The following FRY variants were observed in gnomAD, a reference collection of about 807,000 sequenced individuals.
FRY encodes the protein FRY microtubule binding protein, also known as protein furry homolog.
A neutral mutation model predicts 348.4 loss-of-function variants in FRY; 128 were observed. That is an observed-to-expected ratio of 0.37 (90% CI 0.32 to 0.43). FRY has a LOEUF of 0.43. FRY is among the 20% of genes least tolerant of loss of function. FRY has a pLI of 1.00. For missense variants in FRY, 2,736 were observed against 3,695.2 expected (o/e 0.74, Z 6.73); for synonymous variants, 1,370 against 1,374.7 (o/e 1.00, Z 0.08).
In FRY at chr13:32,060,217, C is replaced by T. The variant is rs188504986; in HGVS notation, c.71-18617C>T. The stretch of plus-strand genomic sequence containing the variant: ...AATAATGCCCATAGAAAGATCAATT[C>T]GTTACACTTTTGTTTTTAAGTAACT... On this transcript the variant is annotated intron_variant, in intron 1 of 60. Coordinates refer to ENST00000542859, the MANE Select transcript of FRY (RefSeq NM_023037.3). Among the ~76,000 whole-genome samples the T allele has an allele frequency of 1.6e-4, 24 of 152,296 alleles. No homozygotes were observed. The East Asian group carries it at 1.9e-3, about 12-fold the overall frequency.
chr13:32,253,881 A>C (rs1887206232), intron 50 of FRY, among the ~76,000 whole-genome samples: 1 of 151,980 alleles, frequency 6.6e-6, no homozygotes. Context: ...ATAATTTCTA[A>C]CTCTAATCAG....
At chr13:32,290,050 A>G (rs1222201493) in intron 59 of FRY, among the ~76,000 whole-genome samples, 1 of 152,138 alleles carries the variant, frequency 6.6e-6, no homozygotes, top group African/African-American at 2.4e-5. Flanking sequence ...GGGTCTGGGC[A>G]TCCTTATTTG....
chr13:32,095,704 G>A (rs1243726238), intron 2 of FRY, among the ~76,000 whole-genome samples: 1 of 152,178 alleles, frequency 6.6e-6, no homozygotes, highest in East Asian at 1.9e-4. Context: ...TGGGTTGCCT[G>A]TGCTTGTGGG....
At chr13:32,135,232 A>G (rs1879633989) in intron 10 of FRY, 49 bp downstream of exon 10, 3 of 1,111,994 alleles carry the variant, frequency 2.7e-6, no homozygotes, top group Non-Finnish European at 4.1e-6. Context: ...TGCACAGACT[A>G]AAATTCCTAG....
At chr13:32,144,382 A>G (rs1377574396) in intron 11 of FRY, among the ~76,000 whole-genome samples, 1 of 149,894 alleles carries the variant, frequency 6.7e-6, no homozygotes, top group South Asian at 2.2e-4. Context: ...TATATGAAGT[A>G]GGCCATACTA....
intron 55 of FRY, among the ~76,000 whole-genome samples, chr13:32,270,180 G>A (rs1041944168): frequency 7.3e-5 from 11 of 151,562 alleles, no homozygotes; most frequent in Non-Finnish European, 1.3e-4. Flanking sequence ...GAGAGGCAAA[G>A]CAACTTATTA....
rs756334526 is a variant in FRY at position 32,184,710 on chromosome 13, C to T, written c.3146+19C>T. The stretch of plus-strand genomic sequence containing the variant: ...GTGACAGGTAGGATCAGAATTCTAC[C>T]GAGTTGCTCTCTTCTCACCAGACTG... On this transcript the variant is annotated intron_variant, in intron 25 of 60. Coordinates refer to ENST00000542859, the MANE Select transcript of FRY (RefSeq NM_023037.3). 24 of 1,353,244 alleles carry T rather than the reference C, an allele frequency of 1.8e-5. No individual in the cohort carries two copies. The highest frequency in any genetic ancestry group is 4.6e-5 in the East Asian group (2 of 43,548). The allele number at this position is 1,353,244 out of a possible 1,614,324, so 83.8% of individuals were successfully genotyped here. A position where few individuals can be genotyped will look rare whatever the true frequency, so the allele number is the denominator to read the frequency against.
At chr13:32,087,111 CA>C (rs950366655) in intron 2 of FRY, among the ~76,000 whole-genome samples, 2 of 152,200 alleles carry the variant, frequency 1.3e-5, no homozygotes, top group African/African-American at 4.8e-5. Flanking sequence ...CAAAGTAACA[CA>C]AACTATTTTC....
chr13:32,058,382 A>T (rs1593567998), intron 1 of FRY, among the ~76,000 whole-genome samples: 1 of 152,364 alleles, frequency 6.6e-6, no homozygotes, highest in East Asian at 1.9e-4. Context: ...AATTCAGATC[A>T]TCAGTAAATA....
chr13:32,209,535 G>C, intron 32 of FRY, 50 bp from the exon 33 acceptor site: 1 of 1,591,644 alleles, frequency 6.3e-7, no homozygotes. Flanking sequence ...AACCTTTTGC[G>C]TCCTTACAGT....
chr13:32,148,511 C>G (rs1434795116), intron 13 of FRY, among the ~76,000 whole-genome samples: 1 of 152,178 alleles, frequency 6.6e-6, no homozygotes, highest in African/African-American at 2.4e-5. Flanking sequence ...ATGTAATTTA[C>G]TATTTGAGCC....
At chr13:32,134,283 C>A (rs1879562030) in intron 8 of FRY, among the ~76,000 whole-genome samples, 1 of 152,194 alleles carries the variant, frequency 6.6e-6, no homozygotes. Context: ...TTACATATGA[C>A]AACAGTCCAC....
Position 32,136,958 on chromosome 13 carries a change from T to A in FRY, c.1165T>A (p.Leu389Met). 1 of 1,572,692 alleles carries A rather than the reference T, an allele frequency of 6.4e-7. No homozygotes were observed. The highest frequency in any genetic ancestry group is 8.8e-7 in the Non-Finnish European group (1 of 1,142,234). The change falls in exon 11 of 61, where the codon TTG becomes ATG. Residue 389 changes from leucine to methionine, a missense_variant. Around this residue, in one of 9 missense-constraint regions of FRY, gnomAD observed 191 missense variants for 370.2 expected, o/e 0.52. Coordinates refer to ENST00000542859, the MANE Select transcript of FRY (RefSeq NM_023037.3). Reference protein sequence around the residue: ...NRWHIFLNNCLSNLKNKDPKM... With the variant: ...NRWHIFLNNCMSNLKNKDPKM... ...GTGGCACATTTTCCTCAACAACTGC[T>A]TGTCCAACCTTAAAGTTAGTATTTG...
At position 32,147,929 on chromosome 13, in the gene FRY, C is replaced by T. The variant is rs758947079; in HGVS notation, c.1374C>T (p.Ile458=). ...TGCCTCTGAACATCTTTGTGAAAAT[C>T]ATCCAGTTCATTGCCCAGGTAATGG... The part of the protein sequence containing the change: ...RDMPLNIFVK[I]IQFIAQERLD... The change falls in exon 13 of 61, where the codon ATC becomes ATT. Residue 458 remains isoleucine (I), a synonymous_variant. Transcript: ENST00000542859. 3 of 1,590,358 alleles carry T rather than the reference C, an allele frequency of 1.9e-6. No homozygotes were observed. Among genetic ancestry groups the T allele is most frequent in the Non-Finnish European group, 2.6e-6 (3 of 1,158,238 alleles).
chr13:32,230,567 A>G lies in FRY; in HGVS notation c.5406-612A>G, dbSNP rs1460452941. On this transcript the variant is annotated intron_variant, in intron 40 of 60. Transcript: ENST00000542859. Reference sequence around the variant, plus strand: ...TTTATCCAGTCTGTCACTGATGGGCATTTGGGCTGATTCCGTGTCTTTGCT... The same window carrying G: ...TTTATCCAGTCTGTCACTGATGGGCGTTTGGGCTGATTCCGTGTCTTTGCT... Among the ~76,000 whole-genome samples, 3 of 152,150 alleles carry G rather than the reference A, an allele frequency of 2.0e-5. No homozygotes were observed. The East Asian group carries it at 5.8e-4, about 29-fold the overall frequency.
rs1889440441 is a variant in FRY at position 32,292,807 on chromosome 13, A to AATAC, written c.8581-1558_8581-1557insCATA. On this transcript the variant is annotated intron_variant, in intron 59 of 60. Transcript: ENST00000542859. ...CTCCATCTCAATAAATAAATAAATA[A>AATAC]ATAAATAAATAAATAAATAAAGCAA... Among the ~76,000 whole-genome samples the AATAC allele has an allele frequency of 2.0e-5, 3 of 151,478 alleles. No homozygotes were observed. The South Asian group carries it at 6.3e-4, about 32-fold the overall frequency.
intron 7 of FRY, among the ~76,000 whole-genome samples, chr13:32,131,308 A>G (rs1210042278): frequency 1.3e-5 from 2 of 152,234 alleles, no homozygotes; most frequent in East Asian, 1.9e-4. Flanking sequence ...TAGACTCACT[A>G]TTTGATACTT....
intron 3 of FRY, among the ~76,000 whole-genome samples, chr13:32,113,122 T>C (rs935210611): frequency 2.0e-4 from 30 of 152,252 alleles, no homozygotes; most frequent in African/African-American, 7.2e-4. Flanking sequence ...AATAGTATGA[T>C]ATGTGATCAA....
chr13:32,209,526 AC>A, intron 32 of FRY, 58 bp from the exon 33 acceptor site: 3 of 1,562,556 alleles, frequency 1.9e-6, no homozygotes, highest in Non-Finnish European at 2.6e-6. Flanking sequence ...TTTCAGTCAA[AC>A]CTTTTGCGTC....
Sources: gnomAD v4.1 joint callset for allele counts (sites outside exome capture counted in the v4.1 genomes callset) on GRCh38, gnomAD v4.1.1 for gene constraint, gnomAD v4.1.1 regional missense constraint, MANE v1.5 for transcripts, NCBI Gene and HGNC (gene_info 2026-07-23, HGNC 2026-07-21) for gene names.